ALPL: variants seen among roughly 807,000 people sequenced by gnomAD.
ALPL encodes alkaline phosphatase, biomineralization associated, also known as alkaline phosphatase, tissue-nonspecific isozyme.
A neutral mutation model predicts 51.3 loss-of-function variants in ALPL; 42 were observed. That is an observed-to-expected ratio of 0.82 (90% CI 0.64 to 1.06). The LOEUF (loss-of-function observed/expected upper bound fraction) is 1.06, where lower values mean the gene tolerates loss of function less well. Among genes scored for constraint, ALPL ranks in the 50% least tolerant of loss-of-function variants. The pLI is 0.00. For synonymous variants in ALPL, 279 were observed against 296.4 expected (o/e 0.94, Z 0.60); for missense variants, 589 against 709.4 (o/e 0.83, Z 1.93).
rs562609652 is a variant in ALPL at position 21,578,328 on chromosome 1, A to G, written c.*680A>G. 5 of 152,702 alleles carry G rather than the reference A, an allele frequency of 3.3e-5. No individual in the cohort carries two copies. The South Asian group carries it at 1.0e-3, about 32-fold the overall frequency. 9.5% of individuals were successfully genotyped at this position (152,702 alleles called of 1,614,324 possible). On this transcript the variant is annotated 3_prime_UTR_variant, in exon 12 of 12. Transcript: ENST00000374840. This position sits in a 1 kb window ranked among gnomAD's most constrained non-coding sequence, Gnocchi z 4.2. ...CGACTCTCCTGTTTGGAACGGCAAA[A>G]AAAAATTTTTTTTTCTCTTTTTGGT...
At chr1:21,515,862 TTG>T (rs1269563243) in intron 1 of ALPL, among the ~76,000 whole-genome samples, 4 of 38,872 alleles carry the variant, frequency 1.0e-4, no homozygotes, top group African/African-American at 3.0e-4. Context: ...TCTGTTTTGT[TTG>T]TTTGTTTTGT....
intron 6 of ALPL, among the ~76,000 whole-genome samples, chr1:21,565,503 C>A (rs1209683709): frequency 6.6e-6 from 1 of 151,904 alleles, no homozygotes; most frequent in African/African-American, 2.4e-5. Context: ...GGTATAATTA[C>A]ATGGGGACTG....
intron 1 of ALPL, among the ~76,000 whole-genome samples, chr1:21,540,788 G>A (rs542266314): frequency 1.3e-5 from 2 of 151,982 alleles, no homozygotes; most frequent in East Asian, 1.9e-4. Flanking sequence ...CCTGGTGCTC[G>A]ACCCACCCCC....
At chr1:21,531,817 A>C (rs553081561) in intron 1 of ALPL, among the ~76,000 whole-genome samples, 1 of 152,260 alleles carries the variant, frequency 6.6e-6, no homozygotes, top group Non-Finnish European at 1.5e-5. Flanking sequence ...GGAGAACTCA[A>C]ACCCTGTTTT....
rs749112407 is a variant in ALPL at position 21,573,705 on chromosome 1, G to C, written c.903G>C (p.Arg301Ser). 6.2e-7 allele frequency: 1 copy of C among 1,614,034 alleles called. No individual in the cohort carries two copies. Among genetic ancestry groups the C allele is most frequent in the African/African-American group, 1.3e-5 (1 of 75,024 alleles). Reference protein sequence around the residue: ...EPGDMQYELNRNNVTDPSLSE... With the variant: ...EPGDMQYELNSNNVTDPSLSE... ...GGGACATGCAGTACGAGCTGAACAG[G>C]AACAACGTGACGGACCCGTCACTCT... The change falls in exon 9 of 12, where the codon AGG (arginine) becomes AGC (serine). Residue 301 changes from arginine (R) to serine (S), a missense_variant. Physicochemically the swap from Arg to Ser is moderately radical, Grantham distance 110. Transcript: ENST00000374840.
chr1:21,573,904 G>T lies in ALPL; in HGVS notation c.997+105G>T, dbSNP rs2275371. ...GGGAACTGACTGGTTTGGGGGTGAAGGGAGAGGTCCCTTTAGGAGAATAGG... is the reference window on the plus strand; with the variant it reads ...GGGAACTGACTGGTTTGGGGGTGAATGGAGAGGTCCCTTTAGGAGAATAGG... On this transcript the variant is annotated intron_variant, in intron 9 of 11. Transcript: ENST00000374840. 0.15 allele frequency: 231,927 copies of T among 1,565,350 alleles called. 21,841 individuals carry two copies. The highest frequency in any genetic ancestry group is 0.5 in the East Asian group (21,662 of 43,020).
At chr1:21,562,373 T>C (rs1644496489) in intron 4 of ALPL, among the ~76,000 whole-genome samples, 1 of 152,206 alleles carries the variant, frequency 6.6e-6, no homozygotes, top group East Asian at 1.9e-4. Flanking sequence ...GAGGTGTGCC[T>C]GTACTGACCT....
At chr1:21,516,741 C>G (rs1057428371) in intron 1 of ALPL, among the ~76,000 whole-genome samples, 3 of 152,242 alleles carry the variant, frequency 2.0e-5, no homozygotes, top group African/African-American at 7.2e-5. Flanking sequence ...GTTAGCCTAT[C>G]AAGATATCAG....
chr1:21,559,046 G>C (rs1022682853), intron 2 of ALPL, among the ~76,000 whole-genome samples: 2 of 152,182 alleles, frequency 1.3e-5, no homozygotes, highest in African/African-American at 4.8e-5. Context: ...AAGGAGGGCT[G>C]TTCTTTACCC....
intron 1 of ALPL, among the ~76,000 whole-genome samples, chr1:21,536,385 T>C (rs1644105755): frequency 6.6e-6 from 1 of 152,214 alleles, no homozygotes; most frequent in African/African-American, 2.4e-5. Flanking sequence ...AAAAACTGGC[T>C]GAGCTGCAGT....
At chr1:21,529,414 G>C (rs1473821481) in intron 1 of ALPL, among the ~76,000 whole-genome samples, 1 of 151,960 alleles carries the variant, frequency 6.6e-6, no homozygotes, top group Non-Finnish European at 1.5e-5. Flanking sequence ...ACCACACTTG[G>C]CTAATTAAAA....
intron 1 of ALPL, among the ~76,000 whole-genome samples, chr1:21,523,430 AGACTCGT>A (rs1194219842): frequency 6.6e-6 from 1 of 152,216 alleles, no homozygotes; most frequent in African/African-American, 2.4e-5. Context: ...CCTTCTGTAA[AGACTCGT>A]GAAGCTTCCT....
rs869181 is a variant in ALPL at position 21,512,808 on chromosome 1, T to G, written c.-105+3291T>G. On this transcript the variant is annotated intron_variant, in intron 1 of 11. Transcript: ENST00000374840. ...GTTTTCCATGCTTAAATTCTCAGCCTCACTGTGGCATGAAATCAATTGTTT... is the reference window on the plus strand; with the variant it reads ...GTTTTCCATGCTTAAATTCTCAGCCGCACTGTGGCATGAAATCAATTGTTT... 9.4e-3 allele frequency among the ~76,000 whole-genome samples: 1,429 copies of G among 152,288 alleles called. 32 individuals are homozygous for G. Among genetic ancestry groups the G allele is most frequent in the African/African-American group, 0.032 (1,340 of 41,548 alleles).
At chr1:21,522,728 T>C (rs1016256306) in intron 1 of ALPL, among the ~76,000 whole-genome samples, 1 of 152,200 alleles carries the variant, frequency 6.6e-6, no homozygotes, top group South Asian at 2.1e-4. Flanking sequence ...TCACCATCTG[T>C]GGGATAGGCG....
At chr1:21,565,994 ACT>A (rs1204492811) in intron 6 of ALPL, among the ~76,000 whole-genome samples, 1 of 151,966 alleles carries the variant, frequency 6.6e-6, no homozygotes, top group African/African-American at 2.4e-5. Context: ...TTCGTTTTCC[ACT>A]CTGAAGATGC....
At chr1:21,529,897 G>A (rs753769484) in intron 1 of ALPL, among the ~76,000 whole-genome samples, 1 of 152,020 alleles carries the variant, frequency 6.6e-6, no homozygotes, top group Non-Finnish European at 1.5e-5. Context: ...TCAGCCTCCT[G>A]AGTAACTGGG....
chr1:21,529,502 C>T (rs1236623658), intron 1 of ALPL, among the ~76,000 whole-genome samples: 2 of 152,178 alleles, frequency 1.3e-5, no homozygotes, highest in African/African-American at 4.8e-5. Context: ...AGTCATGAGC[C>T]ACCAAGCCTG....
chr1:21,575,711 G>A (rs1334083061), intron 9 of ALPL, 22 bp from the exon 10 acceptor site: 5 of 1,613,960 alleles, frequency 3.1e-6, no homozygotes, highest in Non-Finnish European at 4.2e-6. Flanking sequence ...CCTCACCGAG[G>A]CCTTTGCCTT....
chr1:21,513,293 C>T (rs1239189664), intron 1 of ALPL, among the ~76,000 whole-genome samples: 1 of 152,118 alleles, frequency 6.6e-6, no homozygotes, highest in Non-Finnish European at 1.5e-5. Flanking sequence ...GTCTCCTGGC[C>T]TTAAGCTACA....
Sources: allele counts gnomAD v4.1 joint callset (sites outside exome capture counted in the v4.1 genomes callset), GRCh38; gene constraint gnomAD v4.1.1; non-coding constraint Gnocchi (gnomAD v3.1); transcripts MANE v1.5; gene names NCBI Gene and HGNC (gene_info 2026-07-23, HGNC 2026-07-21).